Variants in AUTS2 observed in about 807,000 individuals in gnomAD.
AUTS2 encodes the protein autism susceptibility gene 2 protein.
Under a neutral mutation model 112.4 loss-of-function variants are expected in AUTS2, and 17 were observed. The ratio of observed to expected loss-of-function variants is 0.15; its 90% CI spans 0.10 to 0.23. The LOEUF (loss-of-function observed/expected upper bound fraction) is 0.23, where lower values mean the gene tolerates loss of function less well. AUTS2 is among the 10% of genes least tolerant of loss of function. The pLI is 1.00. For missense variants in AUTS2, 1,510 were observed against 1,701.6 expected (o/e 0.89, Z 1.98); for synonymous variants, 751 against 702.7 (o/e 1.07, Z -1.09).
intron 1 of AUTS2, among the ~76,000 whole-genome samples, chr7:69,646,946 C>G (rs1449316812): frequency 6.6e-6 from 1 of 152,048 alleles, no homozygotes; most frequent in Non-Finnish European, 1.5e-5. Flanking sequence ...AAATTAGCCG[C>G]GCGTAGTGGC....
intron 5 of AUTS2, chr7:70,596,418 AGGCC>A (rs1803212362): frequency 6.6e-6 from 1 of 152,172 alleles, no homozygotes; most frequent in Non-Finnish European, 1.5e-5. Context: ...GCAGAGGCAG[AGGCC>A]GGCTGGCTCC....
chr7:70,781,504 G>A (rs1384288942), intron 14 of AUTS2, 111 bp from the exon 15 acceptor site: 7 of 1,336,618 alleles, frequency 5.2e-6, no homozygotes, highest in Non-Finnish European at 6.1e-6. Flanking sequence ...CACAGTGTTT[G>A]TAAACTTGAA....
At chr7:70,454,220 G>A (rs555492624) in intron 5 of AUTS2, among the ~76,000 whole-genome samples, 1 of 152,256 alleles carries the variant, frequency 6.6e-6, no homozygotes, top group South Asian at 2.1e-4. Context: ...AGGTAACGCT[G>A]TTTTTTAACG....
rs1333048665 is a variant in AUTS2 at position 70,469,932 on chromosome 7, G to A, written c.690+34151G>A. Among the ~76,000 whole-genome samples, 6 of 152,256 alleles carry A rather than the reference G, an allele frequency of 3.9e-5. No individual in the cohort carries two copies. The East Asian group carries it at 9.7e-4, about 25-fold the overall frequency. On this transcript the variant is annotated intron_variant, in intron 5 of 18. Transcript: ENST00000342771. Reference sequence around the variant, plus strand: ...TGGGATTACAGGCATGAGCCACCGCGCCCAGCCAGGTTCATGGTTTTAGAG... The same window carrying A: ...TGGGATTACAGGCATGAGCCACCGCACCCAGCCAGGTTCATGGTTTTAGAG...
chr7:70,437,745 C>G (rs1795954206), intron 5 of AUTS2: 1 of 148,862 alleles, frequency 6.7e-6, no homozygotes, highest in Non-Finnish European at 1.5e-5. Context: ...GAGGCTGAGG[C>G]AGGAGAATAG....
intron 5 of AUTS2, among the ~76,000 whole-genome samples, chr7:70,668,282 T>A (rs767878436): frequency 9.9e-5 from 15 of 152,164 alleles, no homozygotes; most frequent in Non-Finnish European, 8.8e-5. Context: ...CCCAGCCAGA[T>A]TCTGCATTTC....
chr7:70,453,620 C>T (rs544033554), intron 5 of AUTS2, among the ~76,000 whole-genome samples: 70 of 152,220 alleles, frequency 4.6e-4, no homozygotes, highest in Non-Finnish European at 8.4e-4. Flanking sequence ...TCCTCCCAGA[C>T]GCTCTAAAGG....
chr7:70,731,420 CTTTTTTTTTTTTTTTT>C (rs56244002), intron 6 of AUTS2, among the ~76,000 whole-genome samples: 26 of 69,480 alleles, frequency 3.7e-4, no homozygotes, highest in Admixed American at 3.4e-3. Flanking sequence ...TTACCCAGAT[CTTTTTTTTTTTTTTTT>C]TTTTTTTTTT....
chr7:69,935,231 C>T (rs964662985), intron 2 of AUTS2, among the ~76,000 whole-genome samples: 3 of 152,008 alleles, frequency 2.0e-5, no homozygotes, highest in South Asian at 2.1e-4. Flanking sequence ...TTGTCTCATA[C>T]GAGCTATGAA....
intron 4 of AUTS2, among the ~76,000 whole-genome samples, chr7:70,431,587 T>C (rs1795674329): frequency 6.6e-6 from 1 of 152,288 alleles, no homozygotes; most frequent in African/African-American, 2.4e-5. Context: ...CGTTTCACCA[T>C]GTTGGTCAGG....
chr7:70,000,684 T>C (rs374231168), intron 2 of AUTS2, among the ~76,000 whole-genome samples: 9 of 152,184 alleles, frequency 5.9e-5, no homozygotes, highest in South Asian at 2.1e-4. Flanking sequence ...ATTCAAATTA[T>C]TAAACAAAAA....
chr7:70,322,800 G>A (rs1467757823), intron 4 of AUTS2, among the ~76,000 whole-genome samples: 2 of 152,298 alleles, frequency 1.3e-5, no homozygotes, highest in African/African-American at 4.8e-5. Context: ...GGAATGCCCT[G>A]TACGGATACC....
intron 5 of AUTS2, among the ~76,000 whole-genome samples, chr7:70,650,017 G>T (rs1380948955): frequency 2.0e-5 from 3 of 152,078 alleles, no homozygotes; most frequent in Admixed American, 6.5e-5. Context: ...TTTCTAAATG[G>T]GACTGGTTAA....
chr7:70,406,570 A>T (rs1794544105), intron 4 of AUTS2, among the ~76,000 whole-genome samples: 1 of 152,200 alleles, frequency 6.6e-6, no homozygotes. Flanking sequence ...AGAAATGTTT[A>T]GTCTCCCCCA....
At chr7:70,148,626 T>G (rs189443871) in intron 4 of AUTS2, among the ~76,000 whole-genome samples, 59 of 143,594 alleles carry the variant, frequency 4.1e-4, no homozygotes, top group African/African-American at 1.4e-3. Flanking sequence ...CCTGGTGCAG[T>G]TTTTTTTTTT....
chr7:69,696,947 A>T (rs1193960851), intron 1 of AUTS2, among the ~76,000 whole-genome samples: 2 of 152,228 alleles, frequency 1.3e-5, no homozygotes, highest in African/African-American at 4.8e-5. Context: ...ATTTCCAAAC[A>T]TCTAAAAAAC....
chr7:70,423,632 A>C (rs575334409), intron 4 of AUTS2, among the ~76,000 whole-genome samples: 23 of 150,660 alleles, frequency 1.5e-4, no homozygotes, highest in African/African-American at 3.2e-4. Flanking sequence ...CTTCCATCCC[A>C]AAAAAAAATG....
rs1214746515 is a variant in AUTS2 at position 70,228,442 on chromosome 7, GGATTT to G, written c.660+93872_660+93876del. On this transcript the variant is annotated intron_variant, in intron 4 of 18. Coordinates refer to ENST00000342771, the MANE Select transcript of AUTS2 (RefSeq NM_015570.4). ...AGTTAATATTATTATTGATTTGATTGGATTTATGTCTCCATTTTGATTTTCATCTT... is the reference window on the plus strand; with the variant it reads ...AGTTAATATTATTATTGATTTGATTGATGTCTCCATTTTGATTTTCATCTT... 2.0e-5 allele frequency among the ~76,000 whole-genome samples: 3 copies of G among 150,228 alleles called. No homozygotes were observed. The East Asian group carries it at 5.8e-4, about 29-fold the overall frequency.
intron 4 of AUTS2, among the ~76,000 whole-genome samples, chr7:70,375,138 G>A (rs912209768): frequency 1.5e-4 from 23 of 152,156 alleles, no homozygotes; most frequent in African/African-American, 5.1e-4. Context: ...TTCAGAGGGA[G>A]GGTTTATCCA....
Sources: allele counts gnomAD v4.1 joint callset (sites outside exome capture counted in the v4.1 genomes callset), GRCh38; gene constraint gnomAD v4.1.1; transcripts MANE v1.5; gene names NCBI Gene and HGNC (gene_info 2026-07-23, HGNC 2026-07-21).